The following FGF12 variants were observed in gnomAD, a reference collection of about 807,000 sequenced individuals.
FGF12 encodes the protein fibroblast growth factor 12, also known as fibroblast growth factor 12B.
Under a neutral mutation model 23.6 loss-of-function variants are expected in FGF12, and 14 were observed. The observed-to-expected ratio is 0.59, with a 90% CI of 0.39 to 0.93. The LOEUF is 0.93. Ranked by LOEUF, FGF12 falls within the 40% of genes least tolerant of loss-of-function variation. The pLI, the probability that FGF12 is intolerant of heterozygous loss-of-function variation, is 0.00. For synonymous variants in FGF12, 62 were observed against 77.3 expected, an observed-to-expected ratio of 0.80 and a Z score of 1.04; for missense variants, 175 against 217.8, an observed-to-expected ratio of 0.80 and a Z score of 1.24.
intron 4 of FGF12, chr3:192,268,847 A>G (rs2108625658): frequency 6.0e-6 from 1 of 166,722 alleles, no homozygotes; most frequent in South Asian, 1.2e-4. Flanking sequence ...CTACTTTAAT[A>G]AAGTTTGAAC....
At position 192,641,340 on chromosome 3, in the gene FGF12, C is replaced by T. The variant is rs1715795759; in HGVS notation, c.13+85841G>A. Among the ~76,000 whole-genome samples the T allele has an allele frequency of 3.3e-5, 3 of 91,640 alleles. 1 individual carries two copies. The highest frequency in any genetic ancestry group is 4.4e-4 in the South Asian group (1 of 2,256). The allele number at this position is 91,640 out of a possible 152,430, so 60.1% of individuals were successfully genotyped here. A position where few individuals can be genotyped will look rare whatever the true frequency, so the allele number is the denominator to read the frequency against. ...CGGGATGGTCTCGATCTCCTGACCT[C>T]GTGATCCGCCCGCCTCGGCCTCCCA... On this transcript the variant is annotated intron_variant, in intron 2 of 5. Transcript: ENST00000445105.
In FGF12 at chr3:192,336,036, G is replaced by A. The variant is rs1717392751; in HGVS notation, c.125-572C>T. On this transcript the variant is annotated intron_variant, in intron 3 of 5. Coordinates refer to ENST00000445105, the MANE Select transcript of FGF12 (RefSeq NM_004113.6). This position sits in a 1 kb window ranked among gnomAD's most constrained non-coding sequence, Gnocchi z 4.3. Reference sequence around the variant, plus strand: ...AATTTTTTACATGTAAATAAACAGAGATAAACAGATGGACAGATGATTGAT... The same window carrying A: ...AATTTTTTACATGTAAATAAACAGAAATAAACAGATGGACAGATGATTGAT... Among the ~76,000 whole-genome samples, 2 of 151,544 alleles carry A rather than the reference G, an allele frequency of 1.3e-5. No homozygotes were observed. Among genetic ancestry groups the A allele is most frequent in the Non-Finnish European group, 2.9e-5 (2 of 67,920 alleles).
intron 2 of FGF12, among the ~76,000 whole-genome samples, chr3:192,725,634 G>A (rs1327491788): frequency 6.6e-6 from 1 of 152,114 alleles, no homozygotes; most frequent in Non-Finnish European, 1.5e-5. Context: ...ACAGGAATTA[G>A]TATACACATT....
intron 2 of FGF12, among the ~76,000 whole-genome samples, chr3:192,509,891 A>C (rs765739178): frequency 3.9e-5 from 6 of 152,220 alleles, no homozygotes; most frequent in Admixed American, 6.5e-5. Context: ...TTATTATTTA[A>C]GCTGCACCGC....
chr3:192,465,283 A>C (rs1242441580), intron 2 of FGF12, among the ~76,000 whole-genome samples: 1 of 152,220 alleles, frequency 6.6e-6, no homozygotes, highest in African/African-American at 2.4e-5. Flanking sequence ...ACAGTGAAAT[A>C]TTTAAATTTC....
chr3:192,169,184 T>C (rs1171539805), intron 5 of FGF12, among the ~76,000 whole-genome samples: 1 of 151,868 alleles, frequency 6.6e-6, no homozygotes, highest in African/African-American at 2.4e-5. Flanking sequence ...CTACTAAAAA[T>C]ACAAAAATTA....
chr3:192,217,824 T>TTTTTCTTTTC (rs1031986706), intron 4 of FGF12, among the ~76,000 whole-genome samples: 1 of 151,998 alleles, frequency 6.6e-6, no homozygotes, highest in Non-Finnish European at 1.5e-5. Flanking sequence ...CACTTTTCTT[T>TTTTTCTTTTC]TTTTCTTTTC....
At chr3:192,353,391 A>G (rs1404725032) in intron 3 of FGF12, among the ~76,000 whole-genome samples, 4 of 98,988 alleles carry the variant, frequency 4.0e-5, no homozygotes, top group Admixed American at 1.4e-4. Context: ...TTTTTTTGAG[A>G]TGGAGTCTCG....
intron 2 of FGF12, among the ~76,000 whole-genome samples, chr3:192,583,209 A>G (rs765044551): frequency 1.2e-4 from 19 of 152,220 alleles, no homozygotes; most frequent in Non-Finnish European, 2.4e-4. Context: ...CTGCAGGTCA[A>G]CGGTGAATAT....
intron 2 of FGF12, among the ~76,000 whole-genome samples, chr3:192,443,199 G>A (rs1006475994): frequency 2.0e-5 from 3 of 152,122 alleles, no homozygotes; most frequent in Non-Finnish European, 4.4e-5. Flanking sequence ...ACAACACAGA[G>A]AAATTCAGAC....
chr3:192,479,800 A>G (rs1174943749), intron 2 of FGF12, among the ~76,000 whole-genome samples: 6 of 152,200 alleles, frequency 3.9e-5, no homozygotes, highest in African/African-American at 1.4e-4. Flanking sequence ...TTAAGAAGTA[A>G]GAATATTTTA....
chr3:192,455,182 G>T (rs1722641983), intron 2 of FGF12, among the ~76,000 whole-genome samples: 1 of 152,130 alleles, frequency 6.6e-6, no homozygotes, highest in Non-Finnish European at 1.5e-5. Flanking sequence ...TGTACAGAAA[G>T]TTTCCACCAC....
At chr3:192,227,455 TA>T (rs765315513) in intron 4 of FGF12, among the ~76,000 whole-genome samples, 19 of 151,946 alleles carry the variant, frequency 1.3e-4, no homozygotes, top group Non-Finnish European at 2.4e-4. Flanking sequence ...AAATGTACCC[TA>T]AATGCTTCCT....
At chr3:192,660,384 T>C (rs992207757) in intron 2 of FGF12, among the ~76,000 whole-genome samples, 2 of 131,792 alleles carry the variant, frequency 1.5e-5, no homozygotes, top group African/African-American at 2.8e-5. Context: ...GGGGGAGGGA[T>C]AGCATTAGGA....
At chr3:192,504,256 G>A (rs1001429226) in intron 2 of FGF12, among the ~76,000 whole-genome samples, 4 of 152,086 alleles carry the variant, frequency 2.6e-5, no homozygotes, top group African/African-American at 4.8e-5. Flanking sequence ...TAGTACCTGC[G>A]TGATGAAATA....
intron 4 of FGF12, among the ~76,000 whole-genome samples, chr3:192,323,074 A>G (rs866683054): frequency 2.0e-5 from 3 of 152,320 alleles, no homozygotes; most frequent in South Asian, 2.1e-4. Flanking sequence ...GGCAACTTCA[A>G]AGCCTGGCAA....
chr3:192,170,309 A>T, intron 5 of FGF12, 149 bp downstream of exon 5: 1 of 611,316 alleles, frequency 1.6e-6, no homozygotes, highest in African/African-American at 1.9e-5. Context: ...AAAGGAAGAG[A>T]TACTATTGTG....
intron 4 of FGF12, among the ~76,000 whole-genome samples, chr3:192,297,420 G>C (rs537754527): frequency 1.3e-5 from 2 of 151,516 alleles, no homozygotes; most frequent in Non-Finnish European, 3.0e-5. Flanking sequence ...GACAGAGTAT[G>C]CAATATAATT....
At chr3:192,584,854 T>C (rs1258836186) in intron 2 of FGF12, among the ~76,000 whole-genome samples, 4 of 152,180 alleles carry the variant, frequency 2.6e-5, no homozygotes, top group East Asian at 1.9e-4. Flanking sequence ...GATGAATTAC[T>C]GTAAAGCTGC....
Sources: allele counts gnomAD v4.1 joint callset (sites outside exome capture counted in the v4.1 genomes callset), GRCh38; gene constraint gnomAD v4.1.1; non-coding constraint Gnocchi (gnomAD v3.1); transcripts MANE v1.5; gene names NCBI Gene and HGNC (gene_info 2026-07-23, HGNC 2026-07-21).